DNMBP: variants seen among roughly 807,000 people sequenced by gnomAD.
DNMBP encodes dynamin-binding protein.
In DNMBP, 87 loss-of-function variants were observed where a neutral mutation model predicts 150.0. The observed-to-expected ratio is 0.58, with a 90% CI of 0.49 to 0.69. The LOEUF is 0.69. Ranked by LOEUF, DNMBP falls within the 30% of genes least tolerant of loss-of-function variation. DNMBP has a pLI of 0.00. For missense variants in DNMBP, 1,774 were observed against 1,949.0 expected (o/e 0.91, Z 1.69); for synonymous variants, 711 against 750.4 (o/e 0.95, Z 0.86).
intron 1 of DNMBP, among the ~76,000 whole-genome samples, chr10:99,999,545 G>A (rs1305781965): frequency 6.6e-6 from 1 of 152,168 alleles, no homozygotes; most frequent in Non-Finnish European, 1.5e-5. Flanking sequence ...GTCAACTGCA[G>A]TCTAAAAATA....
intron 4 of DNMBP, among the ~76,000 whole-genome samples, chr10:99,934,402 C>G (rs1326254239): frequency 6.9e-6 from 1 of 144,900 alleles, no homozygotes; most frequent in East Asian, 2.0e-4. Context: ...ATAAAAACCT[C>G]CTTGTGTGGA....
chr10:99,933,966 G>A (rs1030363896), intron 4 of DNMBP, among the ~76,000 whole-genome samples: 2 of 152,148 alleles, frequency 1.3e-5, no homozygotes, highest in African/African-American at 4.8e-5. Context: ...TCAATCTCCT[G>A]ACCTCATGAT....
At chr10:99,930,457 G>A (rs1269115919) in intron 4 of DNMBP, 2 of 702,760 alleles carry the variant, frequency 2.8e-6, no homozygotes, top group South Asian at 3.0e-5. Context: ...ACATTTTCTG[G>A]ACTCCTATAA....
chr10:99,945,162 T>C (rs538786141), intron 4 of DNMBP, among the ~76,000 whole-genome samples: 53 of 152,128 alleles, frequency 3.5e-4, no homozygotes, highest in African/African-American at 1.1e-3. Flanking sequence ...TATATGTCTT[T>C]CTAAATCAAA....
chr10:99,900,965 T>C (rs952837921), intron 6 of DNMBP, among the ~76,000 whole-genome samples: 1 of 152,068 alleles, frequency 6.6e-6, no homozygotes, highest in Non-Finnish European at 1.5e-5. Flanking sequence ...TGAGGCAGGG[T>C]CTCACTGTTG....
chr10:99,909,043 G>C lies in DNMBP; in HGVS notation c.2364C>G (p.Val788=), dbSNP rs1431313479. The change falls in exon 5 of 17, where the codon GTC becomes GTG. Residue 788 remains valine (V), a synonymous_variant. Coordinates refer to ENST00000324109, the MANE Select transcript of DNMBP (RefSeq NM_015221.4). ...EQRMLEKRAK[V]IEELLQTERD... ...TTTCTGTCTGAAGAAGTTCTTCTAT[G>C]ACCTTGGCTCTCTTCTCCAGCATCC... is the stretch of plus-strand genomic sequence containing the variant. The C allele has an allele frequency of 3.7e-6, 6 of 1,614,142 alleles. No homozygotes were observed. The highest frequency in any genetic ancestry group is 4.2e-6 in the Non-Finnish European group (5 of 1,180,018).
intron 4 of DNMBP, among the ~76,000 whole-genome samples, chr10:99,939,507 T>C (rs756581528): frequency 2.6e-5 from 4 of 152,262 alleles, no homozygotes; most frequent in Admixed American, 6.5e-5. Context: ...TAAACAACCC[T>C]CATCTTGTCT....
At chr10:99,930,800 T>G (rs566268787) in intron 4 of DNMBP, 2 of 624,854 alleles carry the variant, frequency 3.2e-6, no homozygotes, top group Non-Finnish European at 5.7e-6. Context: ...TTACTATTCT[T>G]TTCCATGGGC....
At chr10:99,971,681 C>G (rs2133354937) in intron 2 of DNMBP, among the ~76,000 whole-genome samples, 1 of 151,964 alleles carries the variant, frequency 6.6e-6, no homozygotes, top group South Asian at 2.1e-4. Flanking sequence ...CCACCACACC[C>G]AGCAAATTTT....
Position 99,956,156 on chromosome 10 carries a change from A to C in DNMBP, c.1318T>G (p.Ser440Ala). 2 of 1,614,076 alleles carry C rather than the reference A, an allele frequency of 1.2e-6. No individual in the cohort carries two copies. The highest frequency in any genetic ancestry group is 1.7e-6 in the Non-Finnish European group (2 of 1,180,018). Residue 440 changes from serine to alanine, a missense_variant, in exon 4 of 17, where the codon TCA (serine) becomes GCA (alanine). Ser to Ala is a moderately conservative substitution (Grantham distance 99, BLOSUM62 1). Transcript: ENST00000324109. ...YSTVGGSHPH[S>A]EQYPDLLPLE... ...GGAAGAAGGTCGGGGTACTGTTCTG[A>C]GTGCGGGTGGCTCCCTCCCACTGTA... is the stretch of plus-strand genomic sequence containing the variant.
At chr10:99,918,860 C>G (rs1305579136) in intron 4 of DNMBP, among the ~76,000 whole-genome samples, 1 of 152,176 alleles carries the variant, frequency 6.6e-6, no homozygotes, top group African/African-American at 2.4e-5. Flanking sequence ...ACACATAAAT[C>G]CTAGCATGGT....
chr10:99,923,488 A>G (rs941894019), intron 4 of DNMBP, among the ~76,000 whole-genome samples: 5 of 151,978 alleles, frequency 3.3e-5, no homozygotes, highest in African/African-American at 1.2e-4. Context: ...AACTGTGGGC[A>G]TCTCTGAGGC....
intron 1 of DNMBP, among the ~76,000 whole-genome samples, chr10:99,983,447 TC>T (rs1214860466): frequency 6.6e-6 from 1 of 152,138 alleles, no homozygotes; most frequent in Non-Finnish European, 1.5e-5. Flanking sequence ...AAACAGCACT[TC>T]CTCCTATGGT....
intron 3 of DNMBP, among the ~76,000 whole-genome samples, chr10:99,961,298 CAG>C (rs1181085411): frequency 9.9e-6 from 1 of 101,342 alleles, no homozygotes; most frequent in African/African-American, 4.0e-5. Flanking sequence ...TTTGTGGAGA[CAG>C]GGTCTCACCC....
chr10:99,940,423 A>G (rs1381874563), intron 4 of DNMBP, among the ~76,000 whole-genome samples: 1 of 152,066 alleles, frequency 6.6e-6, no homozygotes, highest in East Asian at 1.9e-4. Flanking sequence ...CACCTTTAAC[A>G]ATGGAGGAAG....
intron 4 of DNMBP, among the ~76,000 whole-genome samples, chr10:99,924,831 CAA>C (rs139591253): frequency 2.0e-5 from 3 of 152,298 alleles, no homozygotes; most frequent in African/African-American, 7.2e-5. Flanking sequence ...TACTACTTCG[CAA>C]AAGTGCCTTC....
intron 1 of DNMBP, among the ~76,000 whole-genome samples, chr10:99,994,167 C>T (rs1027262244): frequency 1.3e-5 from 2 of 152,172 alleles, no homozygotes; most frequent in Non-Finnish European, 2.9e-5. Context: ...AATTTAGTTT[C>T]AATTTCTGGC....
rs544642099 is a variant in DNMBP at position 99,888,957 on chromosome 10, G to A, written c.3157-4C>T. The A allele has an allele frequency of 1.3e-5, 21 of 1,613,944 alleles. No individual in the cohort carries two copies. The South Asian group carries it at 1.8e-4, about 14-fold the overall frequency. Reference sequence around the variant, plus strand: ...CCACTTTCACACATGCGGACTCCTGGAGCCAGTTAGGACAGACACAAGTCA... The same window carrying A: ...CCACTTTCACACATGCGGACTCCTGAAGCCAGTTAGGACAGACACAAGTCA... On this transcript the variant is annotated splice_region_variant and splice_polypyrimidine_tract_variant and intron_variant, in intron 11 of 16. Transcript: ENST00000324109.
chr10:99,992,941 G>A (rs2040912394), intron 1 of DNMBP, among the ~76,000 whole-genome samples: 1 of 152,170 alleles, frequency 6.6e-6, no homozygotes, highest in African/African-American at 2.4e-5. Context: ...CTAGTCAGGA[G>A]GCTGAGGTGG....
Sources: gnomAD v4.1 joint callset for allele counts (sites outside exome capture counted in the v4.1 genomes callset) on GRCh38, gnomAD v4.1.1 for gene constraint, MANE v1.5 for transcripts, NCBI Gene and HGNC (gene_info 2026-07-23, HGNC 2026-07-21) for gene names.